Variants in DPYSL2 observed in about 807,000 individuals in gnomAD.
DPYSL2 encodes the protein dihydropyrimidinase like 2.
A neutral mutation model predicts 69.9 loss-of-function variants in DPYSL2; 13 were observed. That is an observed-to-expected ratio of 0.19 (90% confidence interval 0.12 to 0.30). The LOEUF (loss-of-function observed/expected upper bound fraction) is 0.30, where lower values mean the gene tolerates loss of function less well. Ranked by LOEUF, DPYSL2 falls within the 10% of genes least tolerant of loss-of-function variation. DPYSL2 has a pLI of 1.00. For missense variants in DPYSL2, 587 were observed against 918.9 expected, an observed-to-expected ratio of 0.64 and a Z score of 4.67; for synonymous variants, 326 against 359.1, an observed-to-expected ratio of 0.91 and a Z score of 1.04.
At chr8:26,590,428 C>T (rs62491914) in intron 3 of DPYSL2, among the ~76,000 whole-genome samples, 1,991 of 151,700 alleles carry the variant, frequency 0.013, 21 homozygotes, top group Middle Eastern at 0.068. Flanking sequence ...GCGTGAATCT[C>T]GGCCTTGAAC....
intron 1 of DPYSL2, among the ~76,000 whole-genome samples, chr8:26,530,164 G>GAAAAAAAA (rs1043437332): frequency 9.3e-6 from 1 of 107,534 alleles, no homozygotes; most frequent in Non-Finnish European, 2.1e-5. Context: ...TAACTGAAAA[G>GAAAAAAAA]AAAAAAAAAC....
intron 3 of DPYSL2, among the ~76,000 whole-genome samples, chr8:26,602,700 T>G (rs772156636): frequency 2.6e-5 from 4 of 152,210 alleles, no homozygotes; most frequent in Admixed American, 6.5e-5. Flanking sequence ...TCAGCTGACA[T>G]TTATTGGCCA....
intron 10 of DPYSL2, among the ~76,000 whole-genome samples, chr8:26,646,912 G>C (rs1454606159): frequency 6.6e-6 from 1 of 151,958 alleles, no homozygotes; most frequent in Non-Finnish European, 1.5e-5. Context: ...GAGCCTGAGA[G>C]GCCGAGGCTG....
At chr8:26,567,766 A>G (rs1324976492) in intron 1 of DPYSL2, among the ~76,000 whole-genome samples, 1 of 152,220 alleles carries the variant, frequency 6.6e-6, no homozygotes. Context: ...CGGCACGCAC[A>G]GGGAATGCGA....
chr8:26,541,220 T>C (rs1800680601), intron 1 of DPYSL2, among the ~76,000 whole-genome samples: 2 of 152,220 alleles, frequency 1.3e-5, no homozygotes, highest in South Asian at 4.1e-4. Flanking sequence ...TGGCAGAAAC[T>C]TCGCAGACTA....
intron 10 of DPYSL2, among the ~76,000 whole-genome samples, chr8:26,645,725 T>A (rs1382385658): frequency 6.6e-6 from 1 of 152,060 alleles, no homozygotes; most frequent in African/African-American, 2.4e-5. Context: ...GATTTTTGTA[T>A]TTTTAGTAGA....
chr8:26,625,541 A>G (rs2129908863), intron 4 of DPYSL2, among the ~76,000 whole-genome samples: 1 of 152,298 alleles, frequency 6.6e-6, no homozygotes, highest in East Asian at 1.9e-4. Flanking sequence ...ACAATTGTTT[A>G]AAATTGTGAT....
intron 3 of DPYSL2, among the ~76,000 whole-genome samples, chr8:26,608,886 C>T (rs765604025): frequency 3.9e-5 from 6 of 152,206 alleles, no homozygotes; most frequent in Non-Finnish European, 7.3e-5. Flanking sequence ...ACCGACTTTT[C>T]CTTCCCTGCT....
In DPYSL2 at chr8:26,533,590, CA is replaced by C. The variant is rs1320548776; in HGVS notation, c.354+18912del. 6.6e-6 allele frequency among the ~76,000 whole-genome samples: 1 copy of C among 152,168 alleles called. No individual in the cohort carries two copies. Among genetic ancestry groups the C allele is most frequent in the Non-Finnish European group, 1.5e-5 (1 of 68,042 alleles). On this transcript the variant is annotated intron_variant, in intron 1 of 13. Transcript: ENST00000521913. This position sits in a 1 kb window ranked among gnomAD's most constrained non-coding sequence, Gnocchi z 4.8. ...CTTCATTATTTTGCCTGTGGATGTC[CA>C]GTTGTCCCAGCTCCATTTATTGATT...
intron 7 of DPYSL2, 118 bp from the exon 8 acceptor site, chr8:26,634,662 G>A (rs1422904091): frequency 1.3e-6 from 2 of 1,549,344 alleles, no homozygotes; most frequent in Non-Finnish European, 1.8e-6. Flanking sequence ...CCCTGGGGTA[G>A]GACCTTGGAG....
At chr8:26,563,785 T>C in intron 1 of DPYSL2, among the ~76,000 whole-genome samples, 1 of 152,206 alleles carries the variant, frequency 6.6e-6, no homozygotes, top group East Asian at 1.9e-4. Flanking sequence ...AGAGGTGTTG[T>C]AGGTTTTTTT....
At chr8:26,600,480 A>C (rs942927278) in intron 3 of DPYSL2, among the ~76,000 whole-genome samples, 2 of 152,182 alleles carry the variant, frequency 1.3e-5, no homozygotes, top group Non-Finnish European at 2.9e-5. Context: ...CGTTTTGATT[A>C]TAGCCATGCG....
At chr8:26,594,942 G>C (rs746091583) in intron 3 of DPYSL2, among the ~76,000 whole-genome samples, 3 of 152,194 alleles carry the variant, frequency 2.0e-5, no homozygotes. Context: ...AGCACTTTGG[G>C]AGATTGAGGT....
At chr8:26,632,904 G>A (rs1318170293) in intron 7 of DPYSL2, among the ~76,000 whole-genome samples, 1 of 152,196 alleles carries the variant, frequency 6.6e-6, no homozygotes, top group Non-Finnish European at 1.5e-5. Context: ...CTTGGATTGT[G>A]GATTTCTAGA....
chr8:26,583,858 G>C lies in DPYSL2; in HGVS notation c.503G>C (p.Arg168Pro). Residue 168 changes from arginine to proline, a missense_variant, in exon 3 of 14, where the codon CGG becomes CCG. Physicochemically the swap from Arg to Pro is moderately radical, Grantham distance 103 (BLOSUM62 -2). Around this residue, in one of 3 missense-constraint regions of DPYSL2, gnomAD observed 452 missense variants for 754.3 expected, o/e 0.60. Coordinates refer to ENST00000521913, the MANE Select transcript of DPYSL2 (RefSeq NM_001197293.3). The part of the protein sequence containing the change: ...GGVKTIEAHS[R>P]MVIPGGIDVH... The stretch of plus-strand genomic sequence containing the variant: ...GTGAAGACCATCGAGGCCCACTCCC[G>C]GATGGTGATCCCCGGAGGAATTGAC... 1 of 1,614,084 alleles carries C rather than the reference G, an allele frequency of 6.2e-7. No individual in the cohort carries two copies. The highest frequency in any genetic ancestry group is 8.5e-7 in the Non-Finnish European group (1 of 1,179,980).
rs536857474 is a variant in DPYSL2 at position 26,618,880 on chromosome 8, C to A, written c.629-5263C>A. 1.4e-3 allele frequency among the ~76,000 whole-genome samples: 207 copies of A among 152,062 alleles called. 1 individual carries two copies. The highest frequency in any genetic ancestry group is 4.8e-3 in the African/African-American group (200 of 41,464). On this transcript the variant is annotated intron_variant, in intron 3 of 13. Transcript: ENST00000521913. ...CGCTGAGGCAGGAGAATTGCTCGAA[C>A]CCAGGAGGCGGAGGTTGCAGTGAGC...
chr8:26,623,276 G>A (rs958071363), intron 3 of DPYSL2, among the ~76,000 whole-genome samples: 7 of 152,282 alleles, frequency 4.6e-5, no homozygotes, highest in African/African-American at 1.7e-4. Flanking sequence ...CACTGGTTGG[G>A]GTTTTGCAAA....
intron 3 of DPYSL2, among the ~76,000 whole-genome samples, chr8:26,589,439 GGTGAATGAATGAGTGA>G (rs1421469798): frequency 6.6e-6 from 1 of 152,224 alleles, no homozygotes; most frequent in African/African-American, 2.4e-5. Context: ...AATGCCCATG[GGTGAATGAATGAGTGA>G]GTGAATGAAT....
rs78609329 is a variant in DPYSL2, at chr8:26,595,646, G to A, written c.628+11663G>A. 2.4e-3 allele frequency among the ~76,000 whole-genome samples: 370 copies of A among 152,324 alleles called. 11 individuals carry two copies. The East Asian group carries it at 0.059, about 24-fold the overall frequency. ...AGCTTCCAGGCAGGGCTGCAGGGTC[G>A]TGCTGCTGGAAGTATTGGTGACAAA... On this transcript the variant is annotated intron_variant, in intron 3 of 13. Coordinates refer to ENST00000521913, the MANE Select transcript of DPYSL2 (RefSeq NM_001197293.3).
Sources: gnomAD v4.1 joint callset for allele counts (sites outside exome capture counted in the v4.1 genomes callset) on GRCh38, gnomAD v4.1.1 for gene constraint, gnomAD v4.1.1 regional missense constraint, Gnocchi (gnomAD v3.1) non-coding constraint, MANE v1.5 for transcripts, NCBI Gene and HGNC (gene_info 2026-07-23, HGNC 2026-07-21) for gene names.